The following AMPD1 variants were observed in gnomAD, a reference collection of about 807,000 sequenced individuals.
The protein encoded by AMPD1 is adenosine monophosphate deaminase 1.
A neutral mutation model predicts 82.9 loss-of-function variants in AMPD1; 74 were observed. The observed-to-expected ratio is 0.89, with a 90% CI of 0.74 to 1.08. AMPD1 has a LOEUF of 1.08. Among genes scored for constraint, AMPD1 ranks in the 50% least tolerant of loss-of-function variants. The pLI is 0.00. For missense variants in AMPD1, 881 were observed against 924.5 expected (o/e 0.95, Z 0.61); for synonymous variants, 333 against 320.5 (o/e 1.04, Z -0.42).
chr1:114,679,897 T>C (rs1322288111), intron 6 of AMPD1, among the ~76,000 whole-genome samples, 189 bp from the exon 7 acceptor site: 1 of 152,226 alleles, frequency 6.6e-6, no homozygotes, highest in African/African-American at 2.4e-5. Flanking sequence ...TCAATAATGT[T>C]GGACATAAGA....
chr1:114,690,357 A>G (rs531789679), intron 2 of AMPD1, among the ~76,000 whole-genome samples: 116 of 152,354 alleles, frequency 7.6e-4, no homozygotes, highest in Non-Finnish European at 1.4e-3. Flanking sequence ...AGCATTGGTC[A>G]AACAGACATT....
At position 114,680,372 on chromosome 1, in the gene AMPD1, A is replaced by T. The variant is rs758966613; in HGVS notation, c.654T>A (p.Tyr218Ter). ...CTTTGCTGACTGCTGCTTCATTAGG[A>T]TAGACGTAAACTACACCGTCCTTCA... The part of the protein sequence containing the change: ...LKMKDGVVYV[Y>*]PNEAAVSKDE... The change falls in exon 6 of 16, where the codon TAT (tyrosine) becomes TAA (stop). Residue 218 changes from tyrosine (Y) to a stop codon, truncating the protein, a stop_gained. Coordinates refer to ENST00000520113, the MANE Select transcript of AMPD1 (RefSeq NM_000036.3). LOFTEE classifies it high-confidence loss of function. The T allele has an allele frequency of 1.2e-6, 2 of 1,614,216 alleles. No individual in the cohort carries two copies. Among genetic ancestry groups the T allele is most frequent in the Admixed American group, 1.7e-5 (1 of 60,026 alleles).
chr1:114,678,015 A>G lies in AMPD1; in HGVS notation c.1119T>C (p.Asp373=). Reference sequence around the variant, plus strand: ...CAGGATTATATTTGTCATTGAACTTATCAAAACGCTGGAAGGTCTGGCGTC... The same window carrying G: ...CAGGATTATATTTGTCATTGAACTTGTCAAAACGCTGGAAGGTCTGGCGTC... ...HAGRQTFQRF[D]KFNDKYNPVG... Residue 373 remains aspartate, a synonymous_variant, in exon 9 of 16, where the codon GAT becomes GAC. Coordinates refer to ENST00000520113, the MANE Select transcript of AMPD1 (RefSeq NM_000036.3). 1 of 1,614,012 alleles carries G rather than the reference A, an allele frequency of 6.2e-7. No homozygotes were observed.
At position 114,677,373 on chromosome 1, in the gene AMPD1, T is replaced by G; in HGVS notation, c.1366A>C (p.Met456Leu). 4 of 1,610,400 alleles carry G rather than the reference T, an allele frequency of 2.5e-6. No individual in the cohort carries two copies. Among genetic ancestry groups the G allele is most frequent in the Non-Finnish European group, 3.4e-6 (4 of 1,179,318 alleles). Reference protein sequence around the residue: ...NRIHCPNMTWMIQVPRIYDVF... With the variant: ...NRIHCPNMTWLIQVPRIYDVF... Reference sequence around the variant, plus strand: ...TACTAGATCCTGGGAACCTGGATCATCCATGTCATGTTGGGGCAGTGGATG... The same window carrying G: ...TACTAGATCCTGGGAACCTGGATCAGCCATGTCATGTTGGGGCAGTGGATG... The change falls in exon 10 of 16, where the codon ATG (methionine) becomes CTG (leucine). Residue 456 changes from methionine (M) to leucine (L), a missense_variant. By Grantham distance (15) the Met-to-Leu change is conservative (BLOSUM62 2). Around this residue, in one of 2 missense-constraint regions of AMPD1, gnomAD observed 783 missense variants for 786.4 expected, o/e 1.00. Transcript: ENST00000520113.
chr1:114,674,123 A>G (rs1176380963), intron 13 of AMPD1, 41 bp from the exon 14 acceptor site: 1 of 1,563,866 alleles, frequency 6.4e-7, no homozygotes, highest in Non-Finnish European at 8.8e-7. Flanking sequence ...GATGTTGAAA[A>G]AGGAATACAA....
Position 114,678,037 on chromosome 1 carries a change from C to T in AMPD1, c.1097G>A (p.Arg366His), listed in dbSNP as rs372451247. 38 of 1,613,718 alleles carry T rather than the reference C, an allele frequency of 2.4e-5. No homozygotes were observed. The highest frequency in any genetic ancestry group is 1.1e-4 in the South Asian group (10 of 91,076). Residue 366 changes from arginine (R) to histidine (H), a missense_variant, in exon 9 of 16, where the codon CGC (arginine) becomes CAC (histidine). Around this residue, in one of 2 missense-constraint regions of AMPD1, gnomAD observed 783 missense variants for 786.4 expected, o/e 1.00. Transcript: ENST00000520113. Reference sequence around the variant, plus strand: ...CTTATCAAAACGCTGGAAGGTCTGGCGTCCCTGAATCAGGAAAAAAGAGCA... The same window carrying T: ...CTTATCAAAACGCTGGAAGGTCTGGTGTCCCTGAATCAGGAAAAAAGAGCA... ...TVDSLDVHAG[R>H]QTFQRFDKFN...
intron 2 of AMPD1, 64 bp from the exon 3 acceptor site, chr1:114,688,805 C>T (rs575294334): frequency 6.3e-7 from 1 of 1,580,480 alleles, no homozygotes; most frequent in South Asian, 1.1e-5. Context: ...AGAGTTTCTG[C>T]TATGTGTAAG....
At chr1:114,687,508 G>A (rs1658355835) in intron 3 of AMPD1, among the ~76,000 whole-genome samples, 1 of 152,132 alleles carries the variant, frequency 6.6e-6, no homozygotes, top group African/African-American at 2.4e-5. Context: ...ATGGATTGCT[G>A]TTCTTTCCTT....
chr1:114,693,967 C>T (rs558095138), intron 1 of AMPD1, among the ~76,000 whole-genome samples: 14 of 152,120 alleles, frequency 9.2e-5, no homozygotes, highest in South Asian at 4.1e-4. Flanking sequence ...TATGGGAGGC[C>T]GAGGCTGGCA....
chr1:114,692,376 T>C (rs1484402728), intron 2 of AMPD1, among the ~76,000 whole-genome samples: 1 of 152,174 alleles, frequency 6.6e-6, no homozygotes, highest in Non-Finnish European at 1.5e-5. Flanking sequence ...CAACCAAAGT[T>C]ATAGTTTTAT....
intron 12 of AMPD1, 83 bp downstream of exon 12, chr1:114,675,447 G>A: frequency 2.8e-6 from 4 of 1,435,478 alleles, no homozygotes; most frequent in East Asian, 4.5e-5. Flanking sequence ...AATGCATGAG[G>A]CCCCTGACCA....
intron 1 of AMPD1, among the ~76,000 whole-genome samples, chr1:114,695,066 C>T (rs903714925): frequency 6.6e-5 from 10 of 152,220 alleles, no homozygotes; most frequent in Middle Eastern, 3.4e-3. Context: ...TCAGAATACA[C>T]ACATGGGTTA....
chr1:114,677,832 TC>T, intron 9 of AMPD1, 77 bp downstream of exon 9: 1 of 1,286,078 alleles, frequency 7.8e-7, no homozygotes, highest in Non-Finnish European at 1.1e-6. Context: ...CTTCCTTCCT[TC>T]CTTCCTTCCT....
intron 7 of AMPD1, 96 bp downstream of exon 7, chr1:114,679,483 T>C: frequency 1.3e-6 from 2 of 1,531,318 alleles, no homozygotes; most frequent in South Asian, 2.3e-5. Flanking sequence ...GTAGAAATCT[T>C]AGATTAATCA....
At chr1:114,687,283 C>A (rs527887463) in intron 3 of AMPD1, among the ~76,000 whole-genome samples, 1 of 152,174 alleles carries the variant, frequency 6.6e-6, no homozygotes, top group Non-Finnish European at 1.5e-5. Context: ...GATAAAGGAG[C>A]TCCCATCTAC....
Position 114,679,633 on chromosome 1 carries a change from G to A in AMPD1, c.843C>T (p.Asp281=), listed in dbSNP as rs145030449. Residue 281 remains aspartate, a synonymous_variant, in exon 7 of 16, where the codon GAC becomes GAT. Transcript: ENST00000520113. ...FQVHQMLNEM[D]ELKELKNNPH... ...GGTTGTTTTTCAGCTCCTTTAACTC[G>A]TCCATCTCGTTAAGCATCTGATGGA... 1.7e-5 allele frequency: 27 copies of A among 1,613,704 alleles called. No individual in the cohort carries two copies. The highest frequency in any genetic ancestry group is 5.0e-5 in the Admixed American group (3 of 59,980).
chr1:114,673,609 A>G (rs1473197320), intron 15 of AMPD1, 30 bp downstream of exon 15: 2 of 1,553,388 alleles, frequency 1.3e-6, no homozygotes, highest in Admixed American at 1.7e-5. Context: ...CCCTATACTC[A>G]GAAGGGAAGC....
In AMPD1 at chr1:114,677,959, A is replaced by G; in HGVS notation, c.1175T>C (p.Leu392Ser). 6.2e-7 allele frequency: 1 copy of G among 1,613,986 alleles called. No homozygotes were observed. Among genetic ancestry groups the G allele is most frequent in the Non-Finnish European group, 8.5e-7 (1 of 1,179,992 alleles). ...VGASELRDLYLKTDNYINGEY... is the reference protein window; with the variant it reads ...VGASELRDLYSKTDNYINGEY... ...CCCATTAATGTAATTGTCTGTCTTC[A>G]AGTAGAGGTCCCGTAGCTCACTTGC... Residue 392 changes from leucine (L) to serine (S), a missense_variant, in exon 9 of 16, where the codon TTG (leucine) becomes TCG (serine). Physicochemically the swap from Leu to Ser is moderately radical, Grantham distance 145. Transcript: ENST00000520113.
chr1:114,690,960 A>G (rs1658498751), intron 2 of AMPD1, among the ~76,000 whole-genome samples: 1 of 152,248 alleles, frequency 6.6e-6, no homozygotes, highest in African/African-American at 2.4e-5. Context: ...ATGGATGCCC[A>G]GAAACCAAAT....
Sources: gnomAD v4.1 joint callset for allele counts (sites outside exome capture counted in the v4.1 genomes callset) on GRCh38, gnomAD v4.1.1 for gene constraint, gnomAD v4.1.1 regional missense constraint, MANE v1.5 for transcripts, NCBI Gene and HGNC (gene_info 2026-07-23, HGNC 2026-07-21) for gene names.